The following SEMA4D variants were observed in gnomAD, a reference collection of about 807,000 sequenced individuals.
SEMA4D encodes semaphorin 4D, also known as semaphorin-4D.
In SEMA4D, 22 loss-of-function variants were observed where a neutral mutation model predicts 74.8. The ratio of observed to expected loss-of-function variants is 0.29; its 90% CI spans 0.21 to 0.42. The LOEUF (loss-of-function observed/expected upper bound fraction) is 0.42. SEMA4D is among the 10% of genes least tolerant of loss of function. The pLI, the probability that SEMA4D is intolerant of heterozygous loss-of-function variation, is 1.00. For missense variants in SEMA4D, 937 were observed against 1,118.4 expected (o/e 0.84, Z 2.31); for synonymous variants, 445 against 463.7 (o/e 0.96, Z 0.52).
intron 1 of SEMA4D, among the ~76,000 whole-genome samples, chr9:89,496,154 C>T (rs1397031785): frequency 6.6e-6 from 1 of 152,214 alleles, no homozygotes; most frequent in East Asian, 1.9e-4. Context: ...GCTGGTCTTG[C>T]ACTCTAAACC....
At chr9:89,451,706 T>C (rs772381796) in intron 2 of SEMA4D, among the ~76,000 whole-genome samples, 71 of 152,104 alleles carry the variant, frequency 4.7e-4, no homozygotes, top group African/African-American at 1.5e-3. Flanking sequence ...CACTAACTTA[T>C]GAGGTTTTTA....
At chr9:89,371,423 CTGGGGTGTGTGTGTG>C (rs1564498347) in intron 16 of SEMA4D, among the ~76,000 whole-genome samples, 5 of 27,926 alleles carry the variant, frequency 1.8e-4, no homozygotes, top group Admixed American at 5.4e-4. Context: ...TGGTGTGTGT[CTGGGGTGTGTGTGTG>C]GGGTGTGGTG....
At position 89,396,799 on chromosome 9, in the gene SEMA4D, G is replaced by C. The variant is rs1222721291; in HGVS notation, c.352C>G (p.Leu118Val). The C allele has an allele frequency of 1.9e-6, 3 of 1,614,074 alleles. No homozygotes were observed. Among genetic ancestry groups the C allele is most frequent in the Middle Eastern group, 3.3e-4 (2 of 6,062 alleles). ...CLNYIRVLQP[L>V]SATSLYVCGT... The stretch of plus-strand genomic sequence containing the variant: ...CACACGTAAAGGGAAGTGGCGCTGA[G>C]TGGCTGCAGCACCCGGATGTAGTTG... The change falls in exon 6 of 16, where the codon CTC (leucine) becomes GTC (valine). Residue 118 changes from leucine (L) to valine (V), a missense_variant. By Grantham distance (32) the Leu-to-Val change is conservative. Coordinates refer to ENST00000422704, the MANE Select transcript of SEMA4D (RefSeq NM_001371194.2).
At chr9:89,377,022 C>T (rs780201924), downstream of SEMA4D, 1 of 1,541,728 alleles carries the variant, frequency 6.5e-7, no homozygotes, top group South Asian at 1.2e-5. Flanking sequence ...GAAGAGGAGC[C>T]AGGAGGAGGG....
chr9:89,476,306 C>T (rs1228006440), intron 1 of SEMA4D, among the ~76,000 whole-genome samples: 4 of 152,188 alleles, frequency 2.6e-5, no homozygotes, highest in Non-Finnish European at 5.9e-5. Flanking sequence ...CCACGGGGCC[C>T]GTGCACTGGG....
intron 1 of SEMA4D, among the ~76,000 whole-genome samples, chr9:89,465,616 T>C (rs1478073998): frequency 2.6e-5 from 4 of 152,236 alleles, no homozygotes; most frequent in African/African-American, 9.6e-5. Context: ...CTTTATGTTA[T>C]GTGAATTTCA....
intron 2 of SEMA4D, among the ~76,000 whole-genome samples, chr9:89,413,858 CTGTG>C (rs1005842314): frequency 2.0e-5 from 3 of 152,158 alleles, no homozygotes; most frequent in African/African-American, 7.2e-5. Context: ...GTGTGCGCAT[CTGTG>C]TATGTGTACG....
At chr9:89,431,480 C>T (rs1398897030) in intron 2 of SEMA4D, among the ~76,000 whole-genome samples, 1 of 152,184 alleles carries the variant, frequency 6.6e-6, no homozygotes, top group African/African-American at 2.4e-5. Flanking sequence ...TTCTCCCAAA[C>T]AAGAGCAGTT....
chr9:89,468,766 G>A (rs751647256), intron 1 of SEMA4D, among the ~76,000 whole-genome samples: 5 of 152,132 alleles, frequency 3.3e-5, no homozygotes, highest in African/African-American at 7.2e-5. Context: ...GGTGTGTAAT[G>A]CTTGTGTAAT....
At chr9:89,468,747 G>A (rs1368291325) in intron 1 of SEMA4D, among the ~76,000 whole-genome samples, 1 of 152,160 alleles carries the variant, frequency 6.6e-6, no homozygotes, top group Non-Finnish European at 1.5e-5. Context: ...AGGCTGCCCA[G>A]ATTCTCCCGG....
Position 89,492,654 on chromosome 9 carries a change from C to A in SEMA4D, c.-310+5265G>T, listed in dbSNP as rs1296221522. 1.3e-5 allele frequency among the ~76,000 whole-genome samples: 2 copies of A among 152,116 alleles called. No individual in the cohort carries two copies. Among genetic ancestry groups the A allele is most frequent in the South Asian group, 2.1e-4 (1 of 4,822 alleles). ...GATGGCAACTCTACCCTTCCAACAC[C>A]CGATCCAAGACTCTTGGGTCATCCT... is the stretch of plus-strand genomic sequence containing the variant. On this transcript the variant is annotated intron_variant, in intron 1 of 15. Coordinates refer to ENST00000422704, the MANE Select transcript of SEMA4D (RefSeq NM_001371194.2). The surrounding 1 kb of genome is among the most constrained non-coding windows in gnomAD (Gnocchi z 4.3).
chr9:89,440,246 C>A (rs1587903888), intron 2 of SEMA4D, among the ~76,000 whole-genome samples: 1 of 152,282 alleles, frequency 6.6e-6, no homozygotes, highest in South Asian at 2.1e-4. Flanking sequence ...CCGCCCCTGC[C>A]AGGAAGCAGT....
In SEMA4D at chr9:89,396,764, G is replaced by A. The variant is rs758493080; in HGVS notation, c.387C>T (p.Asn129=). Residue 129 remains asparagine (N), a synonymous_variant, in exon 6 of 16, where the codon AAC becomes AAT. Coordinates refer to ENST00000422704, the MANE Select transcript of SEMA4D (RefSeq NM_001371194.2). ...GGTGGTCACAGGCCGGCTGGAATGC[G>A]TTGGTCCCACACACGTAAAGGGAAG... ...SATSLYVCGT[N]AFQPACDHLN... is the part of the protein sequence containing the mutation. 1.3e-5 allele frequency: 21 copies of A among 1,613,722 alleles called. No individual in the cohort carries two copies. Among genetic ancestry groups the A allele is most frequent in the Admixed American group, 8.3e-5 (5 of 59,976 alleles).
In SEMA4D at chr9:89,450,660, GAAAAAAA is replaced by G. The variant is rs71358578; in HGVS notation, c.-244+5221_-244+5227del. ...GAGTTCTGCAAGTCGAAAAACCCAG[GAAAAAAA>G]AAAAAAAAAAAAAAAAAAAAGGCCT... On this transcript the variant is annotated intron_variant, in intron 2 of 15. Transcript: ENST00000422704. 302 of 430,330 alleles carry G rather than the reference GAAAAAAA, an allele frequency of 7.0e-4. 3 individuals are homozygous for G. The highest frequency in any genetic ancestry group is 2.0e-3 in the African/African-American group (36 of 18,132). 26.7% of individuals were successfully genotyped at this position (430,330 alleles called of 1,614,324 possible).
chr9:89,373,352 C>T (rs1002552995), downstream of SEMA4D, among the ~76,000 whole-genome samples: 3 of 152,332 alleles, frequency 2.0e-5, no homozygotes, highest in African/African-American at 7.2e-5. Flanking sequence ...GTCCCTGGGG[C>T]CACTTTCTGA....
At chr9:89,409,874 A>C (rs1844135259) in intron 2 of SEMA4D, among the ~76,000 whole-genome samples, 1 of 152,248 alleles carries the variant, frequency 6.6e-6, no homozygotes, top group Admixed American at 6.5e-5. Flanking sequence ...GGCCAGGCTA[A>C]GAGTCCAGAG....
At chr9:89,471,293 G>A (rs1860143309) in intron 1 of SEMA4D, among the ~76,000 whole-genome samples, 1 of 152,110 alleles carries the variant, frequency 6.6e-6, no homozygotes, top group African/African-American at 2.4e-5. Flanking sequence ...GGTGATGGCT[G>A]CCCAACAATA....
chr9:89,365,295 G>T (rs1833452853), intron 16 of SEMA4D: 1 of 152,374 alleles, frequency 6.6e-6, no homozygotes, highest in Non-Finnish European at 1.5e-5. Flanking sequence ...GGTGGGGCTG[G>T]GGAGGCCGGC....
chr9:89,454,615 G>A (rs559137483), intron 2 of SEMA4D, among the ~76,000 whole-genome samples: 6 of 152,348 alleles, frequency 3.9e-5, no homozygotes, highest in South Asian at 2.1e-4. Context: ...GGCCGAAGAC[G>A]GTCCCTCCTG....
Sources: gnomAD v4.1 joint callset for allele counts (sites outside exome capture counted in the v4.1 genomes callset) on GRCh38, gnomAD v4.1.1 for gene constraint, Gnocchi (gnomAD v3.1) non-coding constraint, MANE v1.5 for transcripts, NCBI Gene and HGNC (gene_info 2026-07-23, HGNC 2026-07-21) for gene names.